Variants in ADAMTSL1 observed in about 807,000 individuals in gnomAD.
The protein encoded by ADAMTSL1 is ADAMTS-like protein 1.
In ADAMTSL1, 126 loss-of-function variants were observed where a neutral mutation model predicts 201.8. The observed-to-expected ratio is 0.62, with a 90% CI of 0.54 to 0.72. The LOEUF (loss-of-function observed/expected upper bound fraction) is 0.72, where lower values mean the gene tolerates loss of function less well. ADAMTSL1 is among the 30% of genes least tolerant of loss of function. The pLI is 0.00. For synonymous variants in ADAMTSL1, 1,121 were observed against 903.4 expected (o/e 1.24, Z -4.32); for missense variants, 2,679 against 2,277.8 (o/e 1.18, Z -3.59).
Position 18,457,970 on chromosome 9 carries a change from T to C in ADAMTSL1, c.208-46859T>C, listed in dbSNP as rs1051189809. On this transcript the variant is annotated intron_variant, in intron 2 of 29. Transcript: ENST00000680146. ...ATAGGGGTTATACCTGTGTGTATGA[T>C]CAAATCCATTAGATGGAAGAGATTG... 2.0e-5 allele frequency among the ~76,000 whole-genome samples: 3 copies of C among 152,224 alleles called. No individual in the cohort carries two copies. The South Asian group carries it at 6.2e-4, about 32-fold the overall frequency.
At chr9:18,205,493 AG>A (rs1294115015) in intron 2 of ADAMTSL1, among the ~76,000 whole-genome samples, 1 of 152,092 alleles carries the variant, frequency 6.6e-6, no homozygotes, top group Non-Finnish European at 1.5e-5. Flanking sequence ...AAAAACGAAA[AG>A]TTTTAATGTT....
chr9:18,618,384 C>G (rs899521223), intron 4 of ADAMTSL1, among the ~76,000 whole-genome samples: 3 of 151,954 alleles, frequency 2.0e-5, no homozygotes, highest in Non-Finnish European at 4.4e-5. Flanking sequence ...TATTGTGCAT[C>G]TCAAATGTCT....
rs373963074 is a variant in ADAMTSL1 at position 18,232,228 on chromosome 9, G to T, written c.207+68247G>T. On this transcript the variant is annotated intron_variant, in intron 2 of 29. Coordinates refer to the ADAMTSL1 transcript ENST00000680146. ...GCTCTTCTCCAGACATGCCTGCCTG[G>T]ATCCTTTATACTTGCTGTTCCCTCT... Among the ~76,000 whole-genome samples the T allele has an allele frequency of 1.1e-3, 162 of 152,182 alleles. 3 individuals are homozygous for T. The South Asian group carries it at 0.032, about 30-fold the overall frequency.
At chr9:18,380,234 A>G (rs1837496969) in intron 2 of ADAMTSL1, among the ~76,000 whole-genome samples, 1 of 152,206 alleles carries the variant, frequency 6.6e-6, no homozygotes, top group Admixed American at 6.5e-5. Context: ...AAATTAGAGT[A>G]TGGGGGAAGA....
At chr9:18,013,042 T>C (rs1197583301) in intron 1 of ADAMTSL1, among the ~76,000 whole-genome samples, 2 of 151,862 alleles carry the variant, frequency 1.3e-5, no homozygotes, top group African/African-American at 2.4e-5. Context: ...CCTTTTCTTA[T>C]CTCCATTACC....
Position 18,721,595 on chromosome 9 carries a change from A to G in ADAMTSL1, c.1936A>G (p.Asn646Asp), listed in dbSNP as rs1833379933. The G allele has an allele frequency of 6.2e-7, 1 of 1,613,852 alleles. No homozygotes were observed. Among genetic ancestry groups the G allele is most frequent in the Non-Finnish European group, 8.5e-7 (1 of 1,179,860 alleles). Residue 646 changes from asparagine (N) to aspartate (D), a missense_variant, in exon 15 of 29, where the codon AAC (asparagine) becomes GAC (aspartate). Coordinates refer to ENST00000380548, the MANE Select transcript of ADAMTSL1 (RefSeq NM_001040272.6). ...NKQTREPAEE[N>D]LCVTSRRPPQ... Reference sequence around the variant, plus strand: ...ACAGACTCGGGAGCCTGCTGAGGAGAACCTGTGCGTGACCAGCCGCCGGCC... The same window carrying G: ...ACAGACTCGGGAGCCTGCTGAGGAGGACCTGTGCGTGACCAGCCGCCGGCC...
intron 1 of ADAMTSL1, among the ~76,000 whole-genome samples, chr9:17,970,360 T>C (rs1319310620): frequency 6.6e-6 from 1 of 152,018 alleles, no homozygotes; most frequent in Non-Finnish European, 1.5e-5. Flanking sequence ...CTCTTTGCCT[T>C]TTTCATGTGA....
chr9:18,625,419 T>A (rs932275081), intron 5 of ADAMTSL1, among the ~76,000 whole-genome samples: 1 of 152,098 alleles, frequency 6.6e-6, no homozygotes, highest in Non-Finnish European at 1.5e-5. Flanking sequence ...TGGTGATTTT[T>A]AAAAAATCAT....
chr9:18,269,707 T>A (rs1339186895), intron 2 of ADAMTSL1, among the ~76,000 whole-genome samples: 1 of 152,012 alleles, frequency 6.6e-6, no homozygotes, highest in Non-Finnish European at 1.5e-5. Context: ...TGGAAAAGAG[T>A]ATGGACAAAC....
intron 23 of ADAMTSL1, among the ~76,000 whole-genome samples, chr9:18,855,722 T>C (rs1018932097): frequency 6.6e-6 from 1 of 152,232 alleles, no homozygotes; most frequent in Non-Finnish European, 1.5e-5. Context: ...CGTTTCTCTG[T>C]TGGCAGTGCC....
intron 1 of ADAMTSL1, among the ~76,000 whole-genome samples, chr9:18,499,610 T>C (rs1403846332): frequency 1.3e-5 from 2 of 152,176 alleles, no homozygotes; most frequent in East Asian, 1.9e-4. Flanking sequence ...CTTTTTAATA[T>C]AGAAGTGTGT....
At chr9:18,605,244 G>C (rs1351638550) in intron 4 of ADAMTSL1, among the ~76,000 whole-genome samples, 2 of 152,170 alleles carry the variant, frequency 1.3e-5, no homozygotes, top group Non-Finnish European at 2.9e-5. Flanking sequence ...GTGGCAACCT[G>C]TTTATCTATG....
chr9:18,262,165 C>A (rs1012856484), intron 2 of ADAMTSL1, among the ~76,000 whole-genome samples: 2 of 152,094 alleles, frequency 1.3e-5, no homozygotes, highest in Non-Finnish European at 2.9e-5. Context: ...GAGTGAGGGT[C>A]ACAAATTTAA....
At chr9:18,765,208 A>G (rs1820291623) in intron 16 of ADAMTSL1, among the ~76,000 whole-genome samples, 1 of 152,196 alleles carries the variant, frequency 6.6e-6, no homozygotes, top group Non-Finnish European at 1.5e-5. Context: ...AGAAAAAAGA[A>G]AACTTCAGCC....
Position 18,706,736 on chromosome 9 carries a change from G to C in ADAMTSL1, c.1575-11G>C. ...TCTCATCCTGTCCTCTTGTTTGCTT[G>C]CCGACTGCAGGTTCATCCCAGAGGC... On this transcript the variant is annotated splice_polypyrimidine_tract_variant and intron_variant, in intron 13 of 28. Transcript: ENST00000380548. The C allele has an allele frequency of 1.3e-6, 2 of 1,584,542 alleles. No homozygotes were observed. The highest frequency in any genetic ancestry group is 1.7e-6 in the Non-Finnish European group (2 of 1,164,742).
chr9:18,817,215 G>C lies in ADAMTSL1; in HGVS notation c.3912G>C (p.Val1304=). ...TCAAAACAGTGCAGGGAGTGAATGT[G>C]ACAATCAACTGCCAGGTTGCAGGTG... The part of the protein sequence containing the change: ...STIKTVQGVN[V]TINCQVAGVP... Residue 1304 remains valine, a synonymous_variant, in exon 21 of 29, where the codon GTG becomes GTC. Transcript: ENST00000380548. The C allele has an allele frequency of 6.4e-7, 1 of 1,558,942 alleles. No homozygotes were observed. Among genetic ancestry groups the C allele is most frequent in the Non-Finnish European group, 8.7e-7 (1 of 1,150,770 alleles).
chr9:18,661,463 G>A (rs978854480), intron 8 of ADAMTSL1, among the ~76,000 whole-genome samples: 1 of 152,098 alleles, frequency 6.6e-6, no homozygotes, highest in Non-Finnish European at 1.5e-5. Context: ...ATCCTGTGCT[G>A]GCCCCCCATG....
intron 13 of ADAMTSL1, among the ~76,000 whole-genome samples, chr9:18,701,863 G>C (rs932077272): frequency 2.0e-5 from 3 of 152,172 alleles, no homozygotes; most frequent in Non-Finnish European, 2.9e-5. Context: ...AGAGAGGAAA[G>C]TAATAGGATA....
At chr9:18,356,608 C>CAG (rs1186476953) in intron 2 of ADAMTSL1, among the ~76,000 whole-genome samples, 1 of 131,936 alleles carries the variant, frequency 7.6e-6, no homozygotes, top group Non-Finnish European at 1.6e-5. Flanking sequence ...CAATAAAACA[C>CAG]ACACACACAC....
Sources: allele counts gnomAD v4.1 joint callset (sites outside exome capture counted in the v4.1 genomes callset), GRCh38; gene constraint gnomAD v4.1.1; transcripts MANE v1.5; gene names NCBI Gene and HGNC (gene_info 2026-07-23, HGNC 2026-07-21).